The following MYOM3 variants were observed in gnomAD, a reference collection of about 807,000 sequenced individuals.
MYOM3 encodes the protein myomesin 3, also known as myomesin-3.
A neutral mutation model predicts 191.7 loss-of-function variants in MYOM3; 155 were observed. The observed-to-expected ratio is 0.81, with a 90% CI of 0.71 to 0.92. MYOM3 has a LOEUF of 0.92. Ranked by LOEUF, MYOM3 falls within the 40% of genes least tolerant of loss-of-function variation. The pLI is 0.00. For synonymous variants in MYOM3, 757 were observed against 762.9 expected, an observed-to-expected ratio of 0.99 and a Z score of 0.13; for missense variants, 1,889 against 1,890.6, an observed-to-expected ratio of 1.00 and a Z score of 0.02.
At position 24,063,542 on chromosome 1, in the gene MYOM3, CAG is replaced by C. The variant is rs746109022; in HGVS notation, c.3623-14_3623-13del. On this transcript the variant is annotated splice_polypyrimidine_tract_variant and intron_variant, in intron 30 of 36. Transcript: ENST00000374434. This position sits in a 1 kb window ranked among gnomAD's most constrained non-coding sequence, Gnocchi z 4.5. ...GATGGCATCCAGGGCTGGCGGGAAA[CAG>C]AGAGAAGGGTTAGCTGGCATAGGGC... The C allele has an allele frequency of 1.3e-5, 21 of 1,613,992 alleles. No individual in the cohort carries two copies. In the Admixed American group the frequency reaches 3.0e-4, roughly 23 times the overall value.
At chr1:24,108,226 A>T (rs1257479474) in intron 2 of MYOM3, 153 bp from the exon 3 acceptor site, 1 of 771,710 alleles carries the variant, frequency 1.3e-6, no homozygotes, top group Non-Finnish European at 2.0e-6. Flanking sequence ...GCAAGGCTGC[A>T]TCCCCCCGAC....
rs1289608704 is a variant in MYOM3, at chr1:24,076,724, C to A, written c.2587-451G>T. ...GAGACGGGGTTTCACCGTTTTTAGC[C>A]GGGATGGTCTCGATCTCCTGACCTC... On this transcript the variant is annotated intron_variant, in intron 20 of 36. Coordinates refer to ENST00000374434, the MANE Select transcript of MYOM3 (RefSeq NM_152372.4). Among the ~76,000 whole-genome samples the A allele has an allele frequency of 2.4e-5, 2 of 84,772 alleles. 1 individual carries two copies. The allele number at this position is 84,772 out of a possible 152,430, so 55.6% of individuals were successfully genotyped here. A position where few individuals can be genotyped will look rare whatever the true frequency, so the allele number is the denominator to read the frequency against.
At position 24,068,330 on chromosome 1, in the gene MYOM3, A is replaced by C; in HGVS notation, c.3188T>G (p.Val1063Gly). The change falls in exon 26 of 37, where the codon GTG becomes GGG. Residue 1063 changes from valine to glycine, a missense_variant. Transcript: ENST00000374434. ...AGACAAGTTCTGGATGATCACTTCC[A>C]CCAGGCCCTTCTCTCGGTCAAAATT... ...KINFDREKGL[V>G]EVIIQNLSEE... is the part of the protein sequence containing the mutation. The C allele has an allele frequency of 6.2e-7, 1 of 1,614,032 alleles. No individual in the cohort carries two copies.
At chr1:24,098,940 CT>C (rs1456737893) in intron 6 of MYOM3, among the ~76,000 whole-genome samples, 1 of 152,196 alleles carries the variant, frequency 6.6e-6, no homozygotes, top group African/African-American at 2.4e-5. Context: ...CCTTAACTTT[CT>C]GAGCCTGTTT....
Position 24,107,103 on chromosome 1 carries a change from C to T in MYOM3, c.372G>A (p.Gln124=). 1 of 1,611,870 alleles carries T rather than the reference C, an allele frequency of 6.2e-7. No homozygotes were observed. The stretch of plus-strand genomic sequence containing the variant: ...GCCTCAGCGTCTTCCAGTCCCGCCT[C>T]TGGCGCAGCAGCCGGTGGGTCTGCA... ...AFLQTHRLLR[Q]RRDWKTLRRR... The change falls in exon 4 of 37, where the codon CAG becomes CAA. Residue 124 remains glutamine (Q), a synonymous_variant. Transcript: ENST00000374434.
rs1570877167 is a variant in MYOM3, at chr1:24,090,097, T to C, written c.1454A>G (p.Asn485Ser). Residue 485 changes from asparagine to serine, a missense_variant, in exon 13 of 37, where the codon AAC becomes AGC. Coordinates refer to ENST00000374434, the MANE Select transcript of MYOM3 (RefSeq NM_152372.4). ...AGCGTCTGTGCTGATGGTGATCTTG[T>C]TTCCCAGATCAAAGGGGATCTCTAG... ...RKTEIPFDLG[N>S]KITISTDAFE... 2.5e-6 allele frequency: 4 copies of C among 1,614,128 alleles called. No individual in the cohort carries two copies. Among genetic ancestry groups the C allele is most frequent in the Non-Finnish European group, 3.4e-6 (4 of 1,179,970 alleles).
At chr1:24,082,337 G>T (rs1392849241) in intron 17 of MYOM3, 149 bp from the exon 18 acceptor site, 2 of 873,682 alleles carry the variant, frequency 2.3e-6, no homozygotes, top group African/African-American at 1.7e-5. Context: ...TGTGCCTCAG[G>T]AGGGCATCGG....
At position 24,087,208 on chromosome 1, in the gene MYOM3, C is replaced by T. The variant is rs1418989933; in HGVS notation, c.1615-381G>A. ...TCACCCTTCAAAATTTACCCAGAAA[C>T]CAGCCATGCCTTATTGTCCTCATGC... On this transcript the variant is annotated intron_variant, in intron 14 of 36. Transcript: ENST00000374434. This position sits in a 1 kb window ranked among gnomAD's most constrained non-coding sequence, Gnocchi z 4.5. 6.6e-6 allele frequency among the ~76,000 whole-genome samples: 1 copy of T among 152,186 alleles called. No individual in the cohort carries two copies. Among genetic ancestry groups the T allele is most frequent in the Non-Finnish European group, 1.5e-5 (1 of 68,032 alleles).
chr1:24,062,768 C>T (rs1643386082), intron 32 of MYOM3, among the ~76,000 whole-genome samples: 1 of 152,222 alleles, frequency 6.6e-6, no homozygotes, highest in East Asian at 1.9e-4. Flanking sequence ...GACCACTTGG[C>T]TCTTCTTTGT....
Position 24,105,873 on chromosome 1 carries a change from C to A in MYOM3, c.560+47G>T, listed in dbSNP as rs758883747. On this transcript the variant is annotated intron_variant, in intron 5 of 36. Transcript: ENST00000374434. Reference sequence around the variant, plus strand: ...AGAAGTATTGGATGTGAGGAACTCACTTGTGACCCCAGAGGCCCAGAACCC... The same window carrying A: ...AGAAGTATTGGATGTGAGGAACTCAATTGTGACCCCAGAGGCCCAGAACCC... 14 of 1,544,666 alleles carry A rather than the reference C, an allele frequency of 9.1e-6. No homozygotes were observed. The African/African-American group carries it at 1.9e-4, about 21-fold the overall frequency.
chr1:24,067,223 G>T, intron 27 of MYOM3, 135 bp from the exon 28 acceptor site: 1 of 785,894 alleles, frequency 1.3e-6, no homozygotes, highest in Middle Eastern at 2.4e-4. Context: ...GCCAGGGCTG[G>T]GACTGGGGTG....
chr1:24,081,788 C>A, intron 18 of MYOM3: 1 of 605,132 alleles, frequency 1.7e-6, no homozygotes, highest in Non-Finnish European at 2.9e-6. Context: ...TCTCAAACTC[C>A]CAAACTCCTG....
chr1:24,063,451 T>TCAGGG lies in MYOM3; in HGVS notation c.3661+36_3661+40dup, dbSNP rs1195302932. The TCAGGG allele has an allele frequency of 1.9e-6, 3 of 1,613,352 alleles. No individual in the cohort carries two copies. The highest frequency in any genetic ancestry group is 1.7e-5 in the Admixed American group (1 of 60,018). On this transcript the variant is annotated intron_variant, in intron 31 of 36. Coordinates refer to ENST00000374434, the MANE Select transcript of MYOM3 (RefSeq NM_152372.4). The surrounding 1 kb of genome is among the most constrained non-coding windows in gnomAD (Gnocchi z 4.5). The stretch of plus-strand genomic sequence containing the variant: ...TAGGCTGCTTGGAGGCTGTTGGGCA[T>TCAGGG]CAGGGCAGGGCAGGGCTGGGCAAAG...
chr1:24,066,123 T>G, intron 28 of MYOM3, 122 bp from the exon 29 acceptor site: 2 of 753,926 alleles, frequency 2.7e-6, no homozygotes, highest in South Asian at 2.8e-5. Context: ...TCTCCTCTGC[T>G]GGCCTCTGGA....
Position 24,092,928 on chromosome 1 carries a change from C to T in MYOM3, c.1090+19G>A, listed in dbSNP as rs369966955. On this transcript the variant is annotated intron_variant, in intron 10 of 36. Coordinates refer to ENST00000374434, the MANE Select transcript of MYOM3 (RefSeq NM_152372.4). ...TCTCTGGGCTCCTGCTGCTACCCTG[C>T]GCCCACCCATGCCCTCACCTCTCAC... 1.2e-4 allele frequency: 189 copies of T among 1,512,656 alleles called. No individual in the cohort carries two copies. Among genetic ancestry groups the T allele is most frequent in the Middle Eastern group, 8.9e-4 (5 of 5,602 alleles). The allele number at this position is 1,512,656 out of a possible 1,614,324, so 93.7% of individuals were successfully genotyped here.
chr1:24,095,548 T>C, intron 7 of MYOM3, 62 bp from the exon 8 acceptor site: 1 of 1,467,200 alleles, frequency 6.8e-7, no homozygotes, highest in Non-Finnish European at 9.4e-7. Flanking sequence ...TATGCTATTT[T>C]GGGGACATGG....
At chr1:24,070,998 C>T in intron 25 of MYOM3, 119 bp downstream of exon 25, 1 of 1,292,254 alleles carries the variant, frequency 7.7e-7, no homozygotes, top group Non-Finnish European at 1.1e-6. Context: ...AGCAAAAGCA[C>T]ACCGTCATTT....
chr1:24,092,929 G>A lies in MYOM3; in HGVS notation c.1090+18C>T, dbSNP rs374304850. ...CTCTGGGCTCCTGCTGCTACCCTGC[G>A]CCCACCCATGCCCTCACCTCTCACA... On this transcript the variant is annotated intron_variant, in intron 10 of 36. Transcript: ENST00000374434. 73 of 1,515,476 alleles carry A rather than the reference G, an allele frequency of 4.8e-5. No individual in the cohort carries two copies. Among genetic ancestry groups the A allele is most frequent in the Non-Finnish European group, 5.6e-5 (63 of 1,132,954 alleles). 93.9% of individuals were successfully genotyped at this position (1,515,476 alleles called of 1,614,324 possible). A position where few individuals can be genotyped will look rare whatever the true frequency, so the allele number is the denominator to read the frequency against.
At chr1:24,081,677 G>A (rs1178324170) in intron 18 of MYOM3, 1 of 606,462 alleles carries the variant, frequency 1.6e-6, no homozygotes, top group Non-Finnish European at 2.9e-6. Flanking sequence ...GTCCTCCTGT[G>A]TTAGCCTCTC....
Sources: gnomAD v4.1 joint callset for allele counts (sites outside exome capture counted in the v4.1 genomes callset) on GRCh38, gnomAD v4.1.1 for gene constraint, Gnocchi (gnomAD v3.1) non-coding constraint, MANE v1.5 for transcripts, NCBI Gene and HGNC (gene_info 2026-07-23, HGNC 2026-07-21) for gene names.